Variants in PTPRD observed in about 807,000 individuals in gnomAD.
PTPRD encodes protein tyrosine phosphatase receptor type D, also known as receptor-type tyrosine-protein phosphatase delta.
PTPRD carries 34 observed loss-of-function variants against 214.5 expected under a neutral mutation model. That is an observed-to-expected ratio of 0.16 (90% CI 0.12 to 0.21). The LOEUF (loss-of-function observed/expected upper bound fraction) is 0.21, where lower values mean the gene tolerates loss of function less well. Ranked by LOEUF, PTPRD falls within the 10% of genes least tolerant of loss-of-function variation. The pLI is 1.00. For missense variants in PTPRD, 2,545 were observed against 2,398.7 expected, an observed-to-expected ratio of 1.06 and a Z score of -1.27; for synonymous variants, 1,128 against 845.7, an observed-to-expected ratio of 1.33 and a Z score of -5.79.
intron 10 of PTPRD, among the ~76,000 whole-genome samples, chr9:9,026,357 T>G (rs1381695032): frequency 6.6e-6 from 1 of 151,936 alleles, no homozygotes; most frequent in Non-Finnish European, 1.5e-5. Context: ...AGGCCAGATG[T>G]TAGATTATGT....
chr9:10,394,223 T>C (rs969199296), intron 2 of PTPRD, among the ~76,000 whole-genome samples: 2 of 146,796 alleles, frequency 1.4e-5, no homozygotes, highest in African/African-American at 2.5e-5. Context: ...TATATATTTC[T>C]ATTTCTATTA....
At chr9:9,083,941 T>G (rs1329841479) in intron 10 of PTPRD, among the ~76,000 whole-genome samples, 1 of 152,156 alleles carries the variant, frequency 6.6e-6, no homozygotes, top group African/African-American at 2.4e-5. Context: ...AGGAACACTT[T>G]TACACTGTTG....
chr9:9,637,611 GC>G (rs760400499), intron 7 of PTPRD, among the ~76,000 whole-genome samples: 3 of 152,230 alleles, frequency 2.0e-5, no homozygotes, highest in Non-Finnish European at 2.9e-5. Flanking sequence ...TTTTCTGGGT[GC>G]AGACCATGCT....
At chr9:10,012,282 G>A (rs1398155553) in intron 4 of PTPRD, among the ~76,000 whole-genome samples, 1 of 151,434 alleles carries the variant, frequency 6.6e-6, no homozygotes, top group East Asian at 1.9e-4. Context: ...TGAAGTGAGA[G>A]ATAACAAAAA....
chr9:9,944,328 G>A lies in PTPRD; in HGVS notation c.-471-5718C>T, dbSNP rs552573709. 1.0e-3 allele frequency among the ~76,000 whole-genome samples: 153 copies of A among 152,046 alleles called. 1 individual carries two copies. The highest frequency in any genetic ancestry group is 1.6e-3 in the Non-Finnish European group (112 of 68,006). On this transcript the variant is annotated intron_variant, in intron 4 of 45. Coordinates refer to ENST00000381196, the MANE Select transcript of PTPRD (RefSeq NM_002839.4). ...GTATCCAGTGTGCAGCTGACAACTC[G>A]ATACAACATTTATTCATTATTTCCA... is the stretch of plus-strand genomic sequence containing the variant.
intron 7 of PTPRD, among the ~76,000 whole-genome samples, chr9:9,631,516 G>A (rs1453727398): frequency 6.6e-6 from 1 of 152,094 alleles, no homozygotes; most frequent in Non-Finnish European, 1.5e-5. Context: ...AAAGTATAGG[G>A]CCTTTTTTTC....
intron 2 of PTPRD, among the ~76,000 whole-genome samples, chr9:10,365,617 C>T (rs1479379877): frequency 6.6e-6 from 1 of 152,116 alleles, no homozygotes; most frequent in African/African-American, 2.4e-5. Context: ...CGACTTCTAG[C>T]AGGCAAGGGA....
At chr9:9,808,467 G>C (rs1367017950) in intron 5 of PTPRD, among the ~76,000 whole-genome samples, 1 of 152,008 alleles carries the variant, frequency 6.6e-6, no homozygotes, top group African/African-American at 2.4e-5. Flanking sequence ...CTAGAGAAAA[G>C]AAAAGACAAA....
intron 2 of PTPRD, among the ~76,000 whole-genome samples, chr9:10,555,377 A>G (rs1442719301): frequency 6.6e-6 from 1 of 152,218 alleles, no homozygotes; most frequent in African/African-American, 2.4e-5. Flanking sequence ...TCTTACTTCA[A>G]ATTGTATCAA....
intron 11 of PTPRD, among the ~76,000 whole-genome samples, chr9:8,843,673 G>A (rs554049717): frequency 1.6e-4 from 24 of 152,218 alleles, no homozygotes; most frequent in African/African-American, 5.5e-4. Context: ...TCTGCCTCCC[G>A]TTCTCATCTC....
rs556847978 is a variant in PTPRD at position 8,650,452 on chromosome 9, G to A, written c.65-13608C>T. 2.0e-5 allele frequency among the ~76,000 whole-genome samples: 3 copies of A among 151,444 alleles called. No homozygotes were observed. The South Asian group carries it at 6.3e-4, about 32-fold the overall frequency. ...AGGCAGGAGAATCGCTTGAACCTGG[G>A]AGGCAGAGGTTGCGGTGAGCCGAGA... is the stretch of plus-strand genomic sequence containing the variant. On this transcript the variant is annotated intron_variant, in intron 12 of 45. Coordinates refer to ENST00000381196, the MANE Select transcript of PTPRD (RefSeq NM_002839.4).
intron 2 of PTPRD, among the ~76,000 whole-genome samples, chr9:10,362,258 A>G (rs2097406830): frequency 6.6e-6 from 1 of 151,966 alleles, no homozygotes; most frequent in Non-Finnish European, 1.5e-5. Flanking sequence ...CATGGAGCTT[A>G]TTATATGTCA....
chr9:10,328,898 G>A (rs192340233), intron 3 of PTPRD, among the ~76,000 whole-genome samples: 16 of 151,638 alleles, frequency 1.1e-4, no homozygotes, highest in South Asian at 2.1e-4. Context: ...CAGTTCTTTC[G>A]CACCTTTGTT....
At chr9:9,753,216 C>T (rs1036479903) in intron 6 of PTPRD, among the ~76,000 whole-genome samples, 2 of 152,016 alleles carry the variant, frequency 1.3e-5, no homozygotes, top group Admixed American at 6.6e-5. Flanking sequence ...GGGCCCAGTA[C>T]AGAATCTATT....
chr9:9,949,148 C>A (rs1405635985), intron 4 of PTPRD, among the ~76,000 whole-genome samples: 4 of 151,998 alleles, frequency 2.6e-5, no homozygotes, highest in African/African-American at 9.7e-5. Flanking sequence ...GTTTAATTAC[C>A]TCCTCCATGA....
At chr9:10,545,352 T>G (rs955402526) in intron 2 of PTPRD, among the ~76,000 whole-genome samples, 1 of 152,174 alleles carries the variant, frequency 6.6e-6, no homozygotes, top group African/African-American at 2.4e-5. Context: ...GTTAGATATA[T>G]AGTTTTCAAG....
At chr9:10,086,205 A>T (rs1475696146) in intron 3 of PTPRD, among the ~76,000 whole-genome samples, 2 of 151,796 alleles carry the variant, frequency 1.3e-5, no homozygotes. Flanking sequence ...TCCTAAATAT[A>T]TCATTTGTGT....
At chr9:8,775,187 A>G (rs967019995) in intron 11 of PTPRD, among the ~76,000 whole-genome samples, 2 of 152,200 alleles carry the variant, frequency 1.3e-5, no homozygotes, top group Non-Finnish European at 2.9e-5. Flanking sequence ...GTCAGAGCAA[A>G]CAGCAGAAGG....
chr9:10,299,959 C>G (rs898743579), intron 3 of PTPRD, among the ~76,000 whole-genome samples: 2 of 152,134 alleles, frequency 1.3e-5, no homozygotes, highest in African/African-American at 4.8e-5. Flanking sequence ...ATCTGACTCA[C>G]TATGTATTCA....
Sources: allele counts gnomAD v4.1 joint callset (sites outside exome capture counted in the v4.1 genomes callset), GRCh38; gene constraint gnomAD v4.1.1; transcripts MANE v1.5; gene names NCBI Gene and HGNC (gene_info 2026-07-23, HGNC 2026-07-21).